AP1B1: variants seen among roughly 807,000 people sequenced by gnomAD.
AP1B1 encodes the protein adaptor related protein complex 1 subunit beta 1.
In AP1B1, 36 loss-of-function variants were observed where a neutral mutation model predicts 104.3. The observed-to-expected ratio is 0.35, with a 90% CI of 0.26 to 0.46. The LOEUF is 0.46. Ranked by LOEUF, AP1B1 falls within the 20% of genes least tolerant of loss-of-function variation. The pLI is 1.00. For missense variants in AP1B1, 901 were observed against 1,247.9 expected, an observed-to-expected ratio of 0.72 and a Z score of 4.19; for synonymous variants, 504 against 517.5, an observed-to-expected ratio of 0.97 and a Z score of 0.35.
chr22:29,387,627 C>T (rs1028961794), intron 1 of AP1B1, among the ~76,000 whole-genome samples: 3 of 152,148 alleles, frequency 2.0e-5, no homozygotes, highest in African/African-American at 7.2e-5. Flanking sequence ...ATATCCCCTA[C>T]ACCCCAACCT....
intron 1 of AP1B1, among the ~76,000 whole-genome samples, chr22:29,378,800 A>G (rs1405306227): frequency 6.7e-6 from 1 of 148,958 alleles, no homozygotes; most frequent in Non-Finnish European, 1.5e-5. Context: ...CGGAGCTTGC[A>G]GTGAGCTGAG....
At chr22:29,365,819 C>T (rs560981523) in intron 2 of AP1B1, among the ~76,000 whole-genome samples, 41 of 151,514 alleles carry the variant, frequency 2.7e-4, no homozygotes, top group Admixed American at 5.9e-4. Context: ...TATCCCCCAT[C>T]GATCTGGCCA....
intron 6 of AP1B1, among the ~76,000 whole-genome samples, chr22:29,356,063 GT>G (rs2061952728): frequency 6.6e-6 from 1 of 152,190 alleles, no homozygotes; most frequent in South Asian, 2.1e-4. Flanking sequence ...GATGATAAAA[GT>G]TGCATTAAAG....
At chr22:29,354,903 G>A (rs1430367153) in intron 6 of AP1B1, 32 bp from the exon 7 acceptor site, 1 of 1,575,328 alleles carries the variant, frequency 6.3e-7, no homozygotes, top group South Asian at 1.1e-5. Flanking sequence ...GGGGCAAACA[G>A]GAAAGACAAG....
At chr22:29,361,259 T>C (rs2062041308) in intron 3 of AP1B1, among the ~76,000 whole-genome samples, 1 of 152,170 alleles carries the variant, frequency 6.6e-6, no homozygotes. Flanking sequence ...TTCCCGGAGC[T>C]GCTGGCAGGA....
intron 1 of AP1B1, among the ~76,000 whole-genome samples, chr22:29,378,849 A>G (rs1311953391): frequency 4.3e-5 from 5 of 116,470 alleles, no homozygotes; most frequent in Admixed American, 2.0e-4. Context: ...ACAGAGCAAG[A>G]CTCCGTCCCA....
At chr22:29,330,578 C>T in intron 20 of AP1B1, 45 bp downstream of exon 20, 1 of 1,612,938 alleles carries the variant, frequency 6.2e-7, no homozygotes, top group Non-Finnish European at 8.5e-7. Context: ...GCGCGGGGGC[C>T]TGGGTACAGG....
intron 11 of AP1B1, among the ~76,000 whole-genome samples, chr22:29,344,310 T>C (rs754951783): frequency 1.3e-5 from 2 of 152,100 alleles, no homozygotes; most frequent in Admixed American, 1.3e-4. Context: ...TCAGGCTGTA[T>C]TGCCAGAGGG....
intron 1 of AP1B1, among the ~76,000 whole-genome samples, chr22:29,372,161 G>A (rs912509124): frequency 2.0e-5 from 3 of 152,124 alleles, no homozygotes; most frequent in South Asian, 2.1e-4. Context: ...GGTGGCTCAC[G>A]CCTGTAATCC....
rs540157140 is a variant in AP1B1 at position 29,365,467 on chromosome 22, G to T, written c.37+1740C>A. 6.6e-5 allele frequency among the ~76,000 whole-genome samples: 10 copies of T among 152,192 alleles called. No homozygotes were observed. In the South Asian group the frequency reaches 2.1e-3, roughly 32 times the overall value. The stretch of plus-strand genomic sequence containing the variant: ...AGATCTTCCCATTGCACTCCAGCCT[G>T]GGTGACAGAGACTCTGTCTCAAAAA... On this transcript the variant is annotated intron_variant, in intron 2 of 22. Transcript: ENST00000357586.
intron 11 of AP1B1, among the ~76,000 whole-genome samples, chr22:29,346,793 G>T (rs1420944470): frequency 1.3e-5 from 2 of 148,888 alleles, no homozygotes; most frequent in Non-Finnish European, 3.0e-5. Flanking sequence ...GCAGGTGGCA[G>T]TGGGGGGGGG....
At chr22:29,374,200 T>TA (rs568074310) in intron 1 of AP1B1, among the ~76,000 whole-genome samples, 1 of 151,558 alleles carries the variant, frequency 6.6e-6, no homozygotes, top group Admixed American at 6.6e-5. Flanking sequence ...AGACTCTGTC[T>TA]AAAAAAAAAT....
At chr22:29,329,554 G>C in intron 22 of AP1B1, 158 bp downstream of exon 22, 4 of 1,490,928 alleles carry the variant, frequency 2.7e-6, no homozygotes, top group South Asian at 1.4e-5. Context: ...TGTGGAAGTG[G>C]GGTGTCAGCA....
Position 29,340,848 on chromosome 22 carries a change from G to A in AP1B1, c.1806C>T (p.Ser602=), listed in dbSNP as rs376097084. The A allele has an allele frequency of 2.3e-4, 366 of 1,593,576 alleles. No individual in the cohort carries two copies. Among genetic ancestry groups the A allele is most frequent in the Non-Finnish European group, 2.9e-4 (342 of 1,172,198 alleles). The change falls in exon 14 of 23, where the codon AGC becomes AGT. Residue 602 remains serine, a synonymous_variant. Coordinates refer to ENST00000357586, the MANE Select transcript of AP1B1 (RefSeq NM_001127.4). ...SLPPRTASSE[S]AESPETAPTG... Reference sequence around the variant, plus strand: ...TAGGGGCTGTCTCAGGGCTCTCTGCGCTCTCACTCCTGCCGGGACACAGAA... The same window carrying A: ...TAGGGGCTGTCTCAGGGCTCTCTGCACTCTCACTCCTGCCGGGACACAGAA...
intron 1 of AP1B1, among the ~76,000 whole-genome samples, chr22:29,368,979 C>A (rs1450663544): frequency 6.6e-6 from 1 of 152,066 alleles, no homozygotes; most frequent in East Asian, 1.9e-4. Context: ...GTACAGCCTT[C>A]CAATCCTACC....
Position 29,341,494 on chromosome 22 carries a change from C to A in AP1B1, c.1796+7G>T. 6.2e-7 allele frequency: 1 copy of A among 1,609,698 alleles called. No homozygotes were observed. Among genetic ancestry groups the A allele is most frequent in the Non-Finnish European group, 8.5e-7 (1 of 1,176,688 alleles). On this transcript the variant is annotated splice_region_variant and intron_variant, in intron 13 of 22. Coordinates refer to ENST00000357586, the MANE Select transcript of AP1B1 (RefSeq NM_001127.4). ...AAGGCGCAGGCCGACTGGCCAGTCT[C>A]ACTCACGAGGCCGTGCGAGGTGGCA...
At chr22:29,330,209 CG>C (rs1569149613) in intron 21 of AP1B1, 168 bp downstream of exon 21, 1 of 1,466,432 alleles carries the variant, frequency 6.8e-7, no homozygotes, top group South Asian at 1.4e-5. Context: ...GGTAACCTGA[CG>C]GGGTTGATTT....
rs2061978252 is a variant in AP1B1 at position 29,357,539 on chromosome 22, T to C, written c.526-923A>G. Among the ~76,000 whole-genome samples the C allele has an allele frequency of 3.3e-5, 5 of 152,058 alleles. No individual in the cohort carries two copies. In the South Asian group the frequency reaches 1.0e-3, roughly 32 times the overall value. ...CACCACCATGCCCAGCTAATTTTTA[T>C]ATTTTTAGTAGAGACAGGGTTTCAC... is the stretch of plus-strand genomic sequence containing the variant. On this transcript the variant is annotated intron_variant, in intron 5 of 22. Coordinates refer to ENST00000357586, the MANE Select transcript of AP1B1 (RefSeq NM_001127.4).
At chr22:29,363,876 C>T (rs1038264812) in intron 2 of AP1B1, among the ~76,000 whole-genome samples, 2 of 151,172 alleles carry the variant, frequency 1.3e-5, no homozygotes, top group Non-Finnish European at 2.9e-5. Flanking sequence ...CTGGGGGACA[C>T]AAAGTGAGAT....
Sources: allele counts gnomAD v4.1 joint callset (sites outside exome capture counted in the v4.1 genomes callset), GRCh38; gene constraint gnomAD v4.1.1; transcripts MANE v1.5; gene names NCBI Gene and HGNC (gene_info 2026-07-23, HGNC 2026-07-21).